Variants in ZCCHC9 observed in about 807,000 individuals in gnomAD.
The protein encoded by ZCCHC9 is zinc finger CCHC domain-containing protein 9.
Under a neutral mutation model 30.8 loss-of-function variants are expected in ZCCHC9, and 18 were observed. That is an observed-to-expected ratio of 0.58 (90% CI 0.40 to 0.87). The LOEUF (loss-of-function observed/expected upper bound fraction) is 0.87. ZCCHC9 is among the 40% of genes least tolerant of loss of function. ZCCHC9 has a pLI of 0.00. For synonymous variants in ZCCHC9, 94 were observed against 106.7 expected (o/e 0.88, Z 0.73); for missense variants, 279 against 331.2 (o/e 0.84, Z 1.22).
rs1446044388 is a variant in ZCCHC9, at chr5:81,309,012, A to T, written c.602A>T (p.Asp201Val). 7.4e-6 allele frequency: 12 copies of T among 1,612,722 alleles called. No homozygotes were observed. Among genetic ancestry groups the T allele is most frequent in the Non-Finnish European group, 1.0e-5 (12 of 1,179,528 alleles). Residue 201 changes from aspartate (D) to valine (V), a missense_variant, in exon 4 of 6, where the codon GAT becomes GTT. By Grantham distance (152) the Asp-to-Val change is radical. Coordinates refer to ENST00000407610, the MANE Select transcript of ZCCHC9 (RefSeq NM_001131035.2). ...GGGCACCTGTCTAGATCTTGTCCTG[A>T]TAATCCCAAAGGACTCTATGCTGAT... Reference protein sequence around the residue: ...EMGHLSRSCPDNPKGLYADGG... With the variant: ...EMGHLSRSCPVNPKGLYADGG...
At chr5:81,303,242 CATGTTGGCCAGGATGGTCTCG>C (rs1232946986) in intron 1 of ZCCHC9, 1 of 152,244 alleles carries the variant, frequency 6.6e-6, no homozygotes, top group Non-Finnish European at 1.5e-5. Flanking sequence ...GGGGTTTGAC[CATGTTGGCCAGGATGGTCTCG>C]ATATCCTGAC....
chr5:81,310,807 G>T lies in ZCCHC9; in HGVS notation c.629-404G>T, dbSNP rs534627106. Among the ~76,000 whole-genome samples the T allele has an allele frequency of 6.6e-5, 10 of 152,320 alleles. No individual in the cohort carries two copies. In the South Asian group the frequency reaches 1.4e-3, roughly 22 times the overall value. ...GTTTCTAATCTGTTTTTGGGCCATT[G>T]ACTGTTTGAGAATCTGACATGCTAT... On this transcript the variant is annotated intron_variant, in intron 4 of 5. Transcript: ENST00000407610.
At chr5:81,308,022 A>AATCTATCTATCT (rs1554049990) in intron 2 of ZCCHC9, among the ~76,000 whole-genome samples, 20,608 of 67,902 alleles carry the variant, frequency 0.3, 3,709 homozygotes, top group East Asian at 0.39. Context: ...AAAAAAAAAA[A>AATCTATCTATCT]ATCTATCTAT....
chr5:81,308,022 A>AAATCTATCT lies in ZCCHC9; in HGVS notation c.385-538_385-537insATCTATCTA, dbSNP rs34237879. ...AAAAAAAAAAAAAAAAAAAAAAAAA[A>AAATCTATCT]ATCTATCTATCTATCTATCTATCTA... On this transcript the variant is annotated intron_variant, in intron 2 of 5. Coordinates refer to ENST00000407610, the MANE Select transcript of ZCCHC9 (RefSeq NM_001131035.2). Among the ~76,000 whole-genome samples, 293 of 68,346 alleles carry AAATCTATCT rather than the reference A, an allele frequency of 4.3e-3. 19 individuals carry two copies. The highest frequency in any genetic ancestry group is 5.6e-3 in the South Asian group (10 of 1,788). The allele number at this position is 68,346 out of a possible 152,430, so 44.8% of individuals were successfully genotyped here. A position where few individuals can be genotyped will look rare whatever the true frequency, so the allele number is the denominator to read the frequency against.
At position 81,304,998 on chromosome 5, in the gene ZCCHC9, CAG is replaced by C; in HGVS notation, c.243_244del (p.Asn82PhefsTer15). On this transcript the variant is annotated frameshift_variant, in exon 2 of 6. Coordinates refer to ENST00000407610, the MANE Select transcript of ZCCHC9 (RefSeq NM_001131035.2). LOFTEE classifies it high-confidence loss of function. Reference protein sequence around the residue: ...DVNGFMEYLRQNSQMVHNGQI... With the variant: ...DVNGFMEYLRXNSQMVHNGQI... Reference sequence around the variant, plus strand: ...GAATGGATTCATGGAATACCTAAGACAGAATTCACAGATGGTTCACAATGGGC... The same window carrying C: ...GAATGGATTCATGGAATACCTAAGACAATTCACAGATGGTTCACAATGGGC... The C allele has an allele frequency of 1.9e-6, 3 of 1,614,062 alleles. No individual in the cohort carries two copies. Among genetic ancestry groups the C allele is most frequent in the Non-Finnish European group, 2.5e-6 (3 of 1,180,014 alleles).
In ZCCHC9 at chr5:81,312,779, A is replaced by G; in HGVS notation, c.*117A>G. 1 of 708,176 alleles carries G rather than the reference A, an allele frequency of 1.4e-6. No homozygotes were observed. The highest frequency in any genetic ancestry group is 2.6e-5 in the Admixed American group (1 of 37,976). The allele number at this position is 708,176 out of a possible 1,614,324, so 43.9% of individuals were successfully genotyped here. A position where few individuals can be genotyped will look rare whatever the true frequency, so the allele number is the denominator to read the frequency against. ...GGACTATGCTGTAGATATCAGTATGATCTGGGTGTGGCCAAAAACAATTTT... is the reference window on the plus strand; with the variant it reads ...GGACTATGCTGTAGATATCAGTATGGTCTGGGTGTGGCCAAAAACAATTTT... On this transcript the variant is annotated 3_prime_UTR_variant, in exon 6 of 6. Coordinates refer to ENST00000407610, the MANE Select transcript of ZCCHC9 (RefSeq NM_001131035.2).
At chr5:81,308,904 C>T (rs774105980) in intron 3 of ZCCHC9, 42 bp from the exon 4 acceptor site, 3 of 1,529,670 alleles carry the variant, frequency 2.0e-6, no homozygotes, top group East Asian at 4.5e-5. Flanking sequence ...TATGACTTGC[C>T]ATATGTATTG....
intron 2 of ZCCHC9, among the ~76,000 whole-genome samples, chr5:81,307,867 C>T (rs1174626396): frequency 6.9e-6 from 1 of 144,492 alleles, no homozygotes; most frequent in African/African-American, 2.6e-5. Context: ...TGGTGGTACA[C>T]ACCTGTAATC....
At position 81,307,421 on chromosome 5, in the gene ZCCHC9, G is replaced by A. The variant is rs1758108805; in HGVS notation, c.385-1140G>A. On this transcript the variant is annotated intron_variant, in intron 2 of 5. Transcript: ENST00000407610. ...TCATGCCTGTAATCCCAGCACTTTG[G>A]GAGGCTGAGGCAGGTGCATCAGGAG... Among the ~76,000 whole-genome samples, 3 of 152,098 alleles carry A rather than the reference G, an allele frequency of 2.0e-5. No individual in the cohort carries two copies. The South Asian group carries it at 6.2e-4, about 32-fold the overall frequency.
At position 81,305,162 on chromosome 5, in the gene ZCCHC9, A is replaced by G. The variant is rs1384645878; in HGVS notation, c.384+21A>G. 1.9e-6 allele frequency: 3 copies of G among 1,561,674 alleles called. No individual in the cohort carries two copies. In the Admixed American group the frequency reaches 6.2e-5, roughly 32 times the overall value. ...CAATGGTGAGAGCATCACTTCTACCATGTTATTTACTTTATTTAGCTGGAA... is the reference window on the plus strand; with the variant it reads ...CAATGGTGAGAGCATCACTTCTACCGTGTTATTTACTTTATTTAGCTGGAA... On this transcript the variant is annotated intron_variant, in intron 2 of 5. Coordinates refer to ENST00000407610, the MANE Select transcript of ZCCHC9 (RefSeq NM_001131035.2).
At chr5:81,310,162 A>AAAAAAAAAAAAAAAAAAAAAAAAAAAAAG (rs1758233019) in intron 4 of ZCCHC9, among the ~76,000 whole-genome samples, 1 of 149,558 alleles carries the variant, frequency 6.7e-6, no homozygotes, top group African/African-American at 2.5e-5. Context: ...AGCTGTAAAA[A>AAAAAAAAAAAAAAAAAAAAAAAAAAAAAG]AAAAAAAAAA....
At chr5:81,310,809 CTGTT>C (rs1442526081) in intron 4 of ZCCHC9, among the ~76,000 whole-genome samples, 2 of 152,186 alleles carry the variant, frequency 1.3e-5, no homozygotes, top group Admixed American at 6.5e-5. Context: ...GGGCCATTGA[CTGTT>C]TGAGAATCTG....
chr5:81,309,772 A>G (rs1299271654), intron 4 of ZCCHC9, among the ~76,000 whole-genome samples: 3 of 152,160 alleles, frequency 2.0e-5, no homozygotes, highest in Non-Finnish European at 4.4e-5. Context: ...TTCCTCACCT[A>G]TAGAGTGGAG....
rs550145230 is a variant in ZCCHC9 at position 81,311,216 on chromosome 5, G to T, written c.634G>T (p.Gly212Cys). 1 of 1,613,894 alleles carries T rather than the reference G, an allele frequency of 6.2e-7. No homozygotes were observed. The highest frequency in any genetic ancestry group is 1.7e-5 in the Admixed American group (1 of 59,984). ...TGGCTTTGCTCTTTCAATAGGTGGCGGTTGCAAACTTTGTGGCTCTGTGGA... is the reference window on the plus strand; with the variant it reads ...TGGCTTTGCTCTTTCAATAGGTGGCTGTTGCAAACTTTGTGGCTCTGTGGA... Reference protein sequence around the residue: ...NPKGLYADGGGCKLCGSVEHL... With the variant: ...NPKGLYADGGCCKLCGSVEHL... The change falls in exon 5 of 6, where the codon GGT becomes TGT. Residue 212 changes from glycine to cysteine, a missense_variant. By Grantham distance (159) the Gly-to-Cys change is radical. Transcript: ENST00000407610.
chr5:81,311,194 C>G lies in ZCCHC9; in HGVS notation c.629-17C>G. 6.2e-7 allele frequency: 1 copy of G among 1,613,952 alleles called. No individual in the cohort carries two copies. On this transcript the variant is annotated splice_polypyrimidine_tract_variant and intron_variant, in intron 4 of 5. Transcript: ENST00000407610. ...GCAAGTATGAGATGGTATTCAGTGG[C>G]TTTGCTCTTTCAATAGGTGGCGGTT...
At position 81,308,589 on chromosome 5, in the gene ZCCHC9, A is replaced by G; in HGVS notation, c.413A>G (p.His138Arg). ...TGTTTCCATTGTAGAAAACCTGGTC[A>G]TGGAATTGCAGATTGCCCCGCCGCC... Reference protein sequence around the residue: ...MVCFHCRKPGHGIADCPAALE... With the variant: ...MVCFHCRKPGRGIADCPAALE... Residue 138 changes from histidine (H) to arginine (R), a missense_variant, in exon 3 of 6, where the codon CAT becomes CGT. Coordinates refer to ENST00000407610, the MANE Select transcript of ZCCHC9 (RefSeq NM_001131035.2). 6.2e-7 allele frequency: 1 copy of G among 1,613,120 alleles called. No homozygotes were observed. Among genetic ancestry groups the G allele is most frequent in the Non-Finnish European group, 8.5e-7 (1 of 1,179,622 alleles).
intron 4 of ZCCHC9, chr5:81,309,263 T>G (rs183406671): frequency 2.6e-6 from 1 of 388,708 alleles, no homozygotes; most frequent in Non-Finnish European, 4.6e-6. Context: ...TATTTCCAAC[T>G]GTGCTTGCTT....
intron 2 of ZCCHC9, among the ~76,000 whole-genome samples, chr5:81,307,209 GT>G (rs1758102464): frequency 6.6e-6 from 1 of 152,138 alleles, no homozygotes; most frequent in Admixed American, 6.5e-5. Flanking sequence ...TATGGTTGAT[GT>G]TCTCATTTAT....
intron 2 of ZCCHC9, 164 bp from the exon 3 acceptor site, chr5:81,308,397 C>G (rs1758151493): frequency 2.6e-6 from 2 of 780,122 alleles, no homozygotes; most frequent in Non-Finnish European, 3.8e-6. Context: ...GAAAGGATAT[C>G]TCGTTGTTTA....
Sources: gnomAD v4.1 joint callset for allele counts (sites outside exome capture counted in the v4.1 genomes callset) on GRCh38, gnomAD v4.1.1 for gene constraint, MANE v1.5 for transcripts, NCBI Gene and HGNC (gene_info 2026-07-23, HGNC 2026-07-21) for gene names.